The following TMEM232 variants were observed in gnomAD, a reference collection of about 807,000 sequenced individuals.
TMEM232 encodes transmembrane protein 232.
Under a neutral mutation model 78.8 loss-of-function variants are expected in TMEM232, and 80 were observed. That is an observed-to-expected ratio of 1.01 (90% CI 0.85 to 1.22). TMEM232 has a LOEUF of 1.22. Among genes scored for constraint, TMEM232 ranks in the 50% most tolerant of loss-of-function variants. The probability of loss-of-function intolerance (pLI) is 0.00; values close to 1 mark genes in which losing one functional copy is unlikely to be tolerated. For synonymous variants in TMEM232, 297 were observed against 254.3 expected (o/e 1.17, Z -1.60); for missense variants, 881 against 742.2 (o/e 1.19, Z -2.17).
chr5:110,575,561 TG>T (rs1777480575), intron 10 of TMEM232, among the ~76,000 whole-genome samples: 1 of 151,904 alleles, frequency 6.6e-6, no homozygotes, highest in Non-Finnish European at 1.5e-5. Flanking sequence ...GTGGCTCTTG[TG>T]GAGAGAAATG....
intron 12 of TMEM232, among the ~76,000 whole-genome samples, chr5:110,468,491 A>T (rs1762332926): frequency 6.6e-6 from 1 of 152,096 alleles, no homozygotes; most frequent in East Asian, 1.9e-4. Flanking sequence ...TAAATTTATA[A>T]CTTTAAATAT....
chr5:110,418,754 G>A (rs375874693), downstream of TMEM232, among the ~76,000 whole-genome samples: 2 of 152,276 alleles, frequency 1.3e-5, no homozygotes, highest in Non-Finnish European at 2.9e-5. Context: ...AGTCTGCAGT[G>A]AGGAGGCCTT....
At chr5:110,634,658 T>C (rs1785566166) in intron 5 of TMEM232, among the ~76,000 whole-genome samples, 1 of 150,666 alleles carries the variant, frequency 6.6e-6, no homozygotes, top group Non-Finnish European at 1.5e-5. Context: ...CAAATGAAAA[T>C]GAAAGCACAA....
chr5:110,626,358 T>C (rs1049061640), intron 6 of TMEM232, among the ~76,000 whole-genome samples: 2 of 152,022 alleles, frequency 1.3e-5, no homozygotes, highest in Non-Finnish European at 2.9e-5. Context: ...AATGAAGATA[T>C]AAAAACAAGT....
intron 5 of TMEM232, among the ~76,000 whole-genome samples, chr5:110,632,735 C>A (rs1785293339): frequency 6.6e-6 from 1 of 151,682 alleles, no homozygotes; most frequent in Non-Finnish European, 1.5e-5. Context: ...AGAAAAAAAA[C>A]AAAGTCTCTG....
At chr5:110,519,093 A>T (rs1769114697) in intron 12 of TMEM232, among the ~76,000 whole-genome samples, 1 of 152,218 alleles carries the variant, frequency 6.6e-6, no homozygotes, top group Non-Finnish European at 1.5e-5. Context: ...TACGTTGTTC[A>T]ATTATGGCCA....
At chr5:110,407,144 AAC>A (rs1755821835) in intron 2 of TMEM232, among the ~76,000 whole-genome samples, 1 of 152,100 alleles carries the variant, frequency 6.6e-6, no homozygotes, top group Non-Finnish European at 1.5e-5. Context: ...TTATCAATAT[AAC>A]ACATATTGGT....
chr5:110,719,377 T>G (rs949647277), intron 1 of TMEM232, among the ~76,000 whole-genome samples: 18 of 152,028 alleles, frequency 1.2e-4, no homozygotes, highest in African/African-American at 4.1e-4. Flanking sequence ...CATATCTTCC[T>G]TTACCTCTTT....
At chr5:110,495,971 A>C (rs1765596120) in intron 12 of TMEM232, among the ~76,000 whole-genome samples, 1 of 150,970 alleles carries the variant, frequency 6.6e-6, no homozygotes, top group African/African-American at 2.5e-5. Flanking sequence ...CATTTCATGC[A>C]CAGAGGCATT....
chr5:110,606,430 T>C (rs1436968825), intron 8 of TMEM232, 143 bp from the exon 9 acceptor site: 2 of 940,714 alleles, frequency 2.1e-6, no homozygotes, highest in African/African-American at 1.7e-5. Context: ...AAGATTAGTA[T>C]TGCTTCTCAT....
chr5:110,586,115 C>T (rs964571852), intron 10 of TMEM232, among the ~76,000 whole-genome samples: 1 of 152,088 alleles, frequency 6.6e-6, no homozygotes, highest in Admixed American at 6.6e-5. Context: ...GGCCATCTAG[C>T]AAGTTTAGAA....
intron 12 of TMEM232, among the ~76,000 whole-genome samples, chr5:110,437,183 T>C (rs960218752): frequency 2.9e-4 from 44 of 152,062 alleles, no homozygotes; most frequent in African/African-American, 1.0e-3. Context: ...TTAATTCCTA[T>C]GTATTTAATT....
intron 12 of TMEM232, among the ~76,000 whole-genome samples, chr5:110,433,970 G>T (rs1195383323): frequency 1.3e-5 from 2 of 151,810 alleles, no homozygotes; most frequent in Admixed American, 6.6e-5. Context: ...CCAGATTTTG[G>T]TATCAGGATG....
At chr5:110,470,246 G>A (rs771130393) in intron 12 of TMEM232, among the ~76,000 whole-genome samples, 16 of 152,172 alleles carry the variant, frequency 1.1e-4, no homozygotes, top group Admixed American at 4.6e-4. Context: ...TGCCCTGCCC[G>A]TAGGGTCAGA....
At chr5:110,663,891 A>G (rs1790174451) in intron 2 of TMEM232, among the ~76,000 whole-genome samples, 1 of 152,092 alleles carries the variant, frequency 6.6e-6, no homozygotes, top group Admixed American at 6.6e-5. Flanking sequence ...ATAACCCCAG[A>G]ATTTTTGGAG....
chr5:110,587,909 G>C (rs1779057356), intron 10 of TMEM232, among the ~76,000 whole-genome samples: 1 of 151,510 alleles, frequency 6.6e-6, no homozygotes, highest in Admixed American at 6.6e-5. Context: ...ACACAGAACA[G>C]TGAATGATTA....
intron 12 of TMEM232, among the ~76,000 whole-genome samples, chr5:110,504,182 C>G (rs1766596872): frequency 6.6e-6 from 1 of 152,130 alleles, no homozygotes; most frequent in South Asian, 2.1e-4. Flanking sequence ...TACTAGTTTT[C>G]ATCTTAAATA....
chr5:110,688,653 T>G (rs1427977698), intron 1 of TMEM232, among the ~76,000 whole-genome samples: 2 of 152,158 alleles, frequency 1.3e-5, no homozygotes, highest in African/African-American at 4.8e-5. Flanking sequence ...CCCAATACCC[T>G]GAGGTACCTC....
At chr5:110,438,924 C>T (rs1188183653) in intron 12 of TMEM232, among the ~76,000 whole-genome samples, 1 of 152,032 alleles carries the variant, frequency 6.6e-6, no homozygotes, top group Non-Finnish European at 1.5e-5. Context: ...CAGAACTCCA[C>T]CTGGTCAGAT....
Sources: allele counts gnomAD v4.1 joint callset (sites outside exome capture counted in the v4.1 genomes callset), GRCh38; gene constraint gnomAD v4.1.1; transcripts MANE v1.5; gene names NCBI Gene and HGNC (gene_info 2026-07-23, HGNC 2026-07-21).